The following PCDH15 variants were observed in gnomAD, a reference collection of about 807,000 sequenced individuals.
The protein encoded by PCDH15 is protocadherin related 15.
PCDH15 carries 129 observed loss-of-function variants against 178.5 expected under a neutral mutation model. That is an observed-to-expected ratio of 0.72 (90% CI 0.63 to 0.84). The LOEUF (loss-of-function observed/expected upper bound fraction) is 0.84. PCDH15 is among the 40% of genes least tolerant of loss of function. The probability of loss-of-function intolerance (pLI) is 0.00; values close to 1 mark genes in which losing one functional copy is unlikely to be tolerated. For synonymous variants in PCDH15, 800 were observed against 732.0 expected (o/e 1.09, Z -1.50); for missense variants, 2,230 against 2,099.9 (o/e 1.06, Z -1.21).
intron 2 of PCDH15, among the ~76,000 whole-genome samples, chr10:54,615,311 T>C (rs1012919853): frequency 1.3e-4 from 20 of 152,244 alleles, no homozygotes; most frequent in African/African-American, 4.8e-4. Context: ...TACAATGTTT[T>C]GTATAGAAGT....
chr10:54,171,723 T>C (rs528140348), intron 13 of PCDH15, among the ~76,000 whole-genome samples: 22 of 151,868 alleles, frequency 1.4e-4, no homozygotes, highest in South Asian at 8.3e-4. Context: ...TATCCTGAGT[T>C]GTCCCAATTC....
At chr10:53,860,724 CAAAAAAA>C (rs11345773) in intron 27 of PCDH15, among the ~76,000 whole-genome samples, 1 of 78,080 alleles carries the variant, frequency 1.3e-5, no homozygotes, top group Non-Finnish European at 2.4e-5. Flanking sequence ...GACTCTGTCT[CAAAAAAA>C]AAAAAAAAAA....
chr10:54,607,272 T>A (rs2092783656), intron 2 of PCDH15, among the ~76,000 whole-genome samples: 1 of 152,090 alleles, frequency 6.6e-6, no homozygotes, highest in African/African-American at 2.4e-5. Context: ...AGATTTAAAA[T>A]TGAGTTTATG....
At position 54,490,216 on chromosome 10, in the gene PCDH15, T is replaced by C. The variant is rs1420207764; in HGVS notation, c.157+37596A>G. ...CTATAATCCCAGCACTTTGGGAGGC[T>C]GAGGCGGGCGAATCACGAGGTCAGG... On this transcript the variant is annotated intron_variant, in intron 3 of 37. Coordinates refer to ENST00000644397, the MANE Select transcript of PCDH15 (RefSeq NM_001384140.1). Among the ~76,000 whole-genome samples the C allele has an allele frequency of 3.3e-5, 5 of 152,086 alleles. No individual in the cohort carries two copies. The East Asian group carries it at 5.8e-4, about 18-fold the overall frequency.
At chr10:54,301,171 T>A (rs2060129177) in intron 8 of PCDH15, among the ~76,000 whole-genome samples, 1 of 152,166 alleles carries the variant, frequency 6.6e-6, no homozygotes, top group Non-Finnish European at 1.5e-5. Flanking sequence ...GCTTCATTCT[T>A]GAAGTCAGTG....
chr10:54,288,552 G>T (rs988090798), intron 8 of PCDH15, among the ~76,000 whole-genome samples: 1 of 152,134 alleles, frequency 6.6e-6, no homozygotes, highest in African/African-American at 2.4e-5. Context: ...GCCACAGCAG[G>T]GTGGGGTGTC....
chr10:54,908,869 A>G (rs925397210), intron 2 of PCDH15, among the ~76,000 whole-genome samples: 1 of 151,032 alleles, frequency 6.6e-6, no homozygotes, highest in African/African-American at 2.4e-5. Flanking sequence ...GGGAGAGGGT[A>G]GCTCCTCCCT....
At chr10:54,206,557 A>G (rs775129955) in intron 10 of PCDH15, among the ~76,000 whole-genome samples, 1 of 152,112 alleles carries the variant, frequency 6.6e-6, no homozygotes, top group Non-Finnish European at 1.5e-5. Flanking sequence ...TTGTCAACCA[A>G]GAGAAAACCA....
At chr10:53,841,167 C>G (rs1439465899) in intron 28 of PCDH15, among the ~76,000 whole-genome samples, 1 of 152,084 alleles carries the variant, frequency 6.6e-6, no homozygotes, top group Non-Finnish European at 1.5e-5. Flanking sequence ...CATCTCATGA[C>G]TGGATTTTAA....
chr10:54,313,267 C>T (rs1244396638), intron 8 of PCDH15, among the ~76,000 whole-genome samples: 5 of 152,040 alleles, frequency 3.3e-5, no homozygotes, highest in African/African-American at 4.8e-5. Context: ...CTTATTTCTT[C>T]ACCATTAGTT....
At chr10:54,032,700 C>A (rs1394003497) in intron 18 of PCDH15, among the ~76,000 whole-genome samples, 1 of 151,966 alleles carries the variant, frequency 6.6e-6, no homozygotes, top group Non-Finnish European at 1.5e-5. Flanking sequence ...CCTTTTGTTA[C>A]ATTTTATTGC....
At chr10:55,604,525 C>T (rs199537570) in intron 2 of PCDH15, among the ~76,000 whole-genome samples, 279 of 119,440 alleles carry the variant, frequency 2.3e-3, no homozygotes, top group South Asian at 2.6e-3. Flanking sequence ...TGTAAAAGAA[C>T]AGAAATTATA....
At chr10:54,084,330 G>C (rs948573300) in intron 16 of PCDH15, among the ~76,000 whole-genome samples, 1 of 151,676 alleles carries the variant, frequency 6.6e-6, no homozygotes, top group Admixed American at 6.6e-5. Flanking sequence ...AAAATTAGCC[G>C]GGTGTGGTGG....
intron 2 of PCDH15, among the ~76,000 whole-genome samples, chr10:55,055,108 G>A (rs889468925): frequency 6.6e-6 from 1 of 152,066 alleles, no homozygotes; most frequent in Non-Finnish European, 1.5e-5. Context: ...GTCCAGAATT[G>A]TATTGTTTAA....
At chr10:55,576,573 G>A (rs895152035) in intron 2 of PCDH15, among the ~76,000 whole-genome samples, 5 of 152,198 alleles carry the variant, frequency 3.3e-5, no homozygotes, top group South Asian at 4.1e-4. Flanking sequence ...CAAATTTTCT[G>A]AAGGATTTGT....
At chr10:55,471,889 TTTCAAATGA>T (rs1294289213) in intron 2 of PCDH15, among the ~76,000 whole-genome samples, 2 of 152,130 alleles carry the variant, frequency 1.3e-5, no homozygotes, top group Non-Finnish European at 2.9e-5. Flanking sequence ...ATCTTGCCCA[TTTCAAATGA>T]GCCAAACTAA....
intron 3 of PCDH15, among the ~76,000 whole-genome samples, chr10:54,825,027 T>G (rs1408595358): frequency 6.6e-6 from 1 of 151,116 alleles, no homozygotes; most frequent in Non-Finnish European, 1.5e-5. Flanking sequence ...TCCCCCCTCC[T>G]CCCACCCCAC....
At position 54,655,300 on chromosome 10, in the gene PCDH15, G is replaced by GAGAGAGAC. The variant is rs1158121522; in HGVS notation, c.91+8871_91+8872insGTCTCTCT. Among the ~76,000 whole-genome samples the GAGAGAGAC allele has an allele frequency of 8.0e-4, 89 of 111,354 alleles. 1 individual carries two copies. The highest frequency in any genetic ancestry group is 2.0e-3 in the East Asian group (7 of 3,528). 73.1% of individuals were successfully genotyped at this position (111,354 alleles called of 152,430 possible). A position where few individuals can be genotyped will look rare whatever the true frequency, so the allele number is the denominator to read the frequency against. On this transcript the variant is annotated intron_variant, in intron 2 of 37. Transcript: ENST00000644397. ...AGAGAGAGAGAGAGAGAGAGAGAGAGAGACAGAGAGAGAGACAGAGAAAGA... is the reference window on the plus strand; with the variant it reads ...AGAGAGAGAGAGAGAGAGAGAGAGAGAGAGAGACAGACAGAGAGAGAGACAGAGAAAGA...
intron 2 of PCDH15, among the ~76,000 whole-genome samples, chr10:54,569,487 C>T (rs2089499630): frequency 6.6e-6 from 1 of 152,078 alleles, no homozygotes; most frequent in South Asian, 2.1e-4. Flanking sequence ...CATTAGTACA[C>T]AAAAGTCATT....
Sources: gnomAD v4.1 joint callset for allele counts (sites outside exome capture counted in the v4.1 genomes callset) on GRCh38, gnomAD v4.1.1 for gene constraint, MANE v1.5 for transcripts, NCBI Gene and HGNC (gene_info 2026-07-23, HGNC 2026-07-21) for gene names.